NEK6: variants seen among roughly 807,000 people sequenced by gnomAD.
NEK6 encodes NIMA related kinase 6.
A neutral mutation model predicts 43.5 loss-of-function variants in NEK6; 27 were observed. The ratio of observed to expected loss-of-function variants is 0.62; its 90% CI spans 0.46 to 0.86. The LOEUF (loss-of-function observed/expected upper bound fraction) is 0.86, where lower values mean the gene tolerates loss of function less well. Among genes scored for constraint, NEK6 ranks in the 40% least tolerant of loss-of-function variants. The pLI is 0.00. For missense variants in NEK6, 318 were observed against 414.4 expected (o/e 0.77, Z 2.02); for synonymous variants, 167 against 164.1 (o/e 1.02, Z -0.14).
At chr9:124,323,399 G>A (rs533565768) in intron 5 of NEK6, among the ~76,000 whole-genome samples, 1 of 152,320 alleles carries the variant, frequency 6.6e-6, no homozygotes, top group South Asian at 2.1e-4. Context: ...CCTAAGGTCA[G>A]AGAAGCTTCC....
intron 1 of NEK6, among the ~76,000 whole-genome samples, chr9:124,283,822 G>C (rs932871186): frequency 1.3e-5 from 2 of 152,216 alleles, no homozygotes. Flanking sequence ...CCATGCCCCA[G>C]GTAGACTGCA....
chr9:124,264,951 T>A (rs1458648971), intron 1 of NEK6, among the ~76,000 whole-genome samples: 3 of 152,128 alleles, frequency 2.0e-5, no homozygotes, highest in Non-Finnish European at 4.4e-5. Flanking sequence ...GCCTGTTGCC[T>A]GTTTTACATA....
At chr9:124,277,271 C>T (rs1237114369) in intron 1 of NEK6, among the ~76,000 whole-genome samples, 2 of 152,162 alleles carry the variant, frequency 1.3e-5, no homozygotes, top group African/African-American at 2.4e-5. Flanking sequence ...ATGGTGAAAT[C>T]CCACCTCTAC....
intron 5 of NEK6, among the ~76,000 whole-genome samples, chr9:124,322,567 C>T (rs542451443): frequency 6.9e-4 from 105 of 152,242 alleles, no homozygotes; most frequent in Non-Finnish European, 1.2e-3. Context: ...GCCTGCCTGA[C>T]CCCCAGGCCC....
chr9:124,257,677 T>A (rs139361501), upstream of NEK6: 2 of 1,532,524 alleles, frequency 1.3e-6, no homozygotes, highest in Middle Eastern at 1.7e-4. Context: ...ACCCTCATCA[T>A]AAGTCTAGAG....
At chr9:124,339,302 C>T (rs571026097) in intron 7 of NEK6, among the ~76,000 whole-genome samples, 16 of 152,214 alleles carry the variant, frequency 1.1e-4, no homozygotes, top group Admixed American at 1.0e-3. Flanking sequence ...GCCTCCCAGC[C>T]TGATTCTTGG....
At position 124,326,202 on chromosome 9, in the gene NEK6, T is replaced by TCCCCCCCCCC. The variant is rs61223297; in HGVS notation, c.406-126_406-117dup. ...GCTTATTGTTTGCTCAGTGGCTCAATCCCCCCCCCCCGCCCCTGCCAGGCA... is the reference window on the plus strand; with the variant it reads ...GCTTATTGTTTGCTCAGTGGCTCAATCCCCCCCCCCCCCCCCCCCCCGCCCCTGCCAGGCA... On this transcript the variant is annotated intron_variant, in intron 5 of 9. Transcript: ENST00000320246. The surrounding 1 kb of genome is among the most constrained non-coding windows in gnomAD (Gnocchi z 4.5). The TCCCCCCCCCC allele has an allele frequency of 8.1e-4, 101 of 125,192 alleles. 15 individuals are homozygous for TCCCCCCCCCC. Among genetic ancestry groups the TCCCCCCCCCC allele is most frequent in the Non-Finnish European group, 1.1e-3 (56 of 51,142 alleles). 7.8% of individuals were successfully genotyped at this position (125,192 alleles called of 1,614,324 possible). A position where few individuals can be genotyped will look rare whatever the true frequency, so the allele number is the denominator to read the frequency against.
chr9:124,325,043 C>G (rs766049678), intron 5 of NEK6, among the ~76,000 whole-genome samples: 7 of 152,118 alleles, frequency 4.6e-5, no homozygotes, highest in Non-Finnish European at 1.0e-4. Flanking sequence ...GGCGTGGTGG[C>G]GCACACCTGT....
At chr9:124,283,207 C>G (rs1463278808) in intron 1 of NEK6, among the ~76,000 whole-genome samples, 3 of 152,248 alleles carry the variant, frequency 2.0e-5, no homozygotes, top group Non-Finnish European at 4.4e-5. Context: ...ACAAGGCAAA[C>G]CCTTCCCGTG....
intron 9 of NEK6, among the ~76,000 whole-genome samples, chr9:124,349,748 G>A (rs10818945): frequency 0.065 from 9,942 of 152,198 alleles, 912 homozygotes; most frequent in East Asian, 0.45. Context: ...CCAACCACAG[G>A]TACCTTCCCC....
chr9:124,258,710 G>C (rs1472404259), intron 1 of NEK6, among the ~76,000 whole-genome samples: 1 of 152,218 alleles, frequency 6.6e-6, no homozygotes, highest in Non-Finnish European at 1.5e-5. Context: ...GCATGGGCTG[G>C]GGGTCGGGGC....
Position 124,326,288 on chromosome 9 carries a change from G to T in NEK6, c.406-42G>T, listed in dbSNP as rs1165531473. On this transcript the variant is annotated intron_variant, in intron 5 of 9. Transcript: ENST00000320246. The surrounding 1 kb of genome is among the most constrained non-coding windows in gnomAD (Gnocchi z 4.5). ...CCTGTGGCCACCCACCTCCAAGCCC[G>T]CTCACCCGGGCCTATCCCTCTGCTT... The T allele has an allele frequency of 7.3e-7, 1 of 1,367,946 alleles. No homozygotes were observed. The highest frequency in any genetic ancestry group is 1.0e-6 in the Non-Finnish European group (1 of 1,003,144). 84.7% of individuals were successfully genotyped at this position (1,367,946 alleles called of 1,614,324 possible).
intron 1 of NEK6, chr9:124,292,859 C>T: frequency 1.4e-6 from 2 of 1,447,384 alleles, no homozygotes; most frequent in South Asian, 3.0e-5. Context: ...GAGAAGAAGA[C>T]ACATGAATTA....
intron 1 of NEK6, among the ~76,000 whole-genome samples, chr9:124,264,213 C>T (rs146949176): frequency 6.6e-6 from 1 of 152,334 alleles, no homozygotes; most frequent in African/African-American, 2.4e-5. Flanking sequence ...CCTTGTCCTC[C>T]GGAAGTGGCT....
chr9:124,293,326 G>A (rs988645225), intron 1 of NEK6, among the ~76,000 whole-genome samples: 1 of 152,226 alleles, frequency 6.6e-6, no homozygotes, highest in African/African-American at 2.4e-5. Context: ...TGCCTGCAGT[G>A]CCCGACACAG....
chr9:124,284,802 T>C (rs1023407384), intron 1 of NEK6, among the ~76,000 whole-genome samples: 1 of 152,196 alleles, frequency 6.6e-6, no homozygotes, highest in African/African-American at 2.4e-5. Flanking sequence ...ACACAGGATC[T>C]GCCGAGATTC....
chr9:124,312,147 A>G (rs1236078457), intron 2 of NEK6, among the ~76,000 whole-genome samples: 1 of 152,256 alleles, frequency 6.6e-6, no homozygotes, highest in Non-Finnish European at 1.5e-5. Flanking sequence ...CAGTTTGGGC[A>G]TCAAGGATTC....
At chr9:124,340,625 AC>A (rs1399379475) in intron 8 of NEK6, among the ~76,000 whole-genome samples, 2 of 152,206 alleles carry the variant, frequency 1.3e-5, no homozygotes, top group African/African-American at 4.8e-5. Flanking sequence ...TACAGTTGGA[AC>A]CCTGACTGTT....
chr9:124,291,310 A>G (rs1232523003), intron 1 of NEK6, among the ~76,000 whole-genome samples: 2 of 152,098 alleles, frequency 1.3e-5, no homozygotes, highest in Non-Finnish European at 2.9e-5. Flanking sequence ...CAAAGGAGAG[A>G]ATAGAAAGGG....
Sources: gnomAD v4.1 joint callset for allele counts (sites outside exome capture counted in the v4.1 genomes callset) on GRCh38, gnomAD v4.1.1 for gene constraint, Gnocchi (gnomAD v3.1) non-coding constraint, MANE v1.5 for transcripts, NCBI Gene and HGNC (gene_info 2026-07-23, HGNC 2026-07-21) for gene names.